Variants in IL3RA observed in about 807,000 individuals in gnomAD.
IL3RA encodes the protein interleukin 3 receptor subunit alpha.
Under a neutral mutation model 52.3 loss-of-function variants are expected in IL3RA, and 73 were observed. That is an observed-to-expected ratio of 1.40 (90% CI 1.16 to 1.70). The LOEUF is 1.70. Ranked by LOEUF, IL3RA falls within the 40% of genes most tolerant of loss-of-function variation. The probability of loss-of-function intolerance (pLI) is 0.00; values close to 1 mark genes in which losing one functional copy is unlikely to be tolerated. For synonymous variants in IL3RA, 260 were observed against 194.0 expected (o/e 1.34, Z -2.83); for missense variants, 664 against 504.4 (o/e 1.32, Z -3.03).
intron 10 of IL3RA, among the ~76,000 whole-genome samples, chrX:1,380,603 G>A (rs1367078407): frequency 4.4e-5 from 1 of 22,516 alleles, no homozygotes; most frequent in African/African-American, 3.3e-4. Context: ...GGGAGGAGGA[G>A]AGGGGAGGAT....
intron 3 of IL3RA, among the ~76,000 whole-genome samples, chrX:1,347,542 C>T (rs2085803960): frequency 6.7e-6 from 1 of 150,132 alleles, no homozygotes; most frequent in African/African-American, 2.5e-5. Context: ...TTGCTTGAAC[C>T]CGAGAGGTGG....
At chrX:1,355,060 C>T (rs182955334) in intron 6 of IL3RA, among the ~76,000 whole-genome samples, 15 of 6,434 alleles carry the variant, frequency 2.3e-3, no homozygotes, top group African/African-American at 0.014. Flanking sequence ...TGGAGGAAGG[C>T]GAGCAGGAGG....
At position 1,358,873 on chromosome X, in the gene IL3RA, G is replaced by A; in HGVS notation, c.745G>A (p.Val249Ile). The change falls in exon 8 of 12, where the codon GTA becomes ATA. Residue 249 changes from valine (V) to isoleucine (I), a missense_variant. By Grantham distance (29) the Val-to-Ile change is conservative (BLOSUM62 3). Transcript: ENST00000331035. ...ELQIQKRMQP[V>I]ITEQVRDRTS... ...TTTTGTGTTGCAGAGAATGCAGCCT[G>A]TAATCACAGAACAGGTGAGTGTTCC... The A allele has an allele frequency of 6.2e-7, 1 of 1,613,248 alleles. No homozygotes were observed.
intron 8 of IL3RA, among the ~76,000 whole-genome samples, chrX:1,360,032 T>A (rs1261454170): frequency 2.3e-4 from 7 of 30,004 alleles, no homozygotes; most frequent in Non-Finnish European, 5.1e-4. Context: ...CTTCTCCCCA[T>A]CTCTCTCTCT....
At chrX:1,367,864 C>CT (rs2088278250) in intron 9 of IL3RA, among the ~76,000 whole-genome samples, 2 of 151,560 alleles carry the variant, frequency 1.3e-5, no homozygotes, top group Admixed American at 6.6e-5. Context: ...CACTCCTCTC[C>CT]TGCAAAGGAG....
chrX:1,359,766 C>G (rs1752821462), intron 8 of IL3RA, among the ~76,000 whole-genome samples: 2 of 147,774 alleles, frequency 1.4e-5, no homozygotes, highest in Non-Finnish European at 3.0e-5. Context: ...CTGTCTCTCC[C>G]TCTCTCATTC....
chrX:1,345,168 C>G, intron 2 of IL3RA, 148 bp from the exon 3 acceptor site: 2 of 524,294 alleles, frequency 3.8e-6, no homozygotes, highest in Non-Finnish European at 6.8e-6. Flanking sequence ...AACTCCATGT[C>G]AAAAAATTTA....
intron 3 of IL3RA, among the ~76,000 whole-genome samples, chrX:1,347,602 G>A (rs186006618): frequency 4.3e-4 from 65 of 151,696 alleles, no homozygotes; most frequent in African/African-American, 1.5e-3. Flanking sequence ...CTGGGCAAGC[G>A]GAGTGAGGCC....
At chrX:1,367,323 C>G (rs867479812) in intron 9 of IL3RA, among the ~76,000 whole-genome samples, 9 of 4,174 alleles carry the variant, frequency 2.2e-3, no homozygotes, top group African/African-American at 5.1e-3. Context: ...CGGGGTGAGC[C>G]GGGTGCGCGG....
Position 1,379,725 on chromosome X carries a change from G to A in IL3RA, c.980+961G>A, listed in dbSNP as rs1472658804. Among the ~76,000 whole-genome samples the A allele has an allele frequency of 4.6e-5, 7 of 152,348 alleles. No homozygotes were observed. In the East Asian group the frequency reaches 5.8e-4, roughly 13 times the overall value. On this transcript the variant is annotated intron_variant, in intron 10 of 11. Coordinates refer to ENST00000331035, the MANE Select transcript of IL3RA (RefSeq NM_002183.4). Reference sequence around the variant, plus strand: ...CAGGATCCGTCATGCAGACCAACTCGAGGTTTTTGGTCACCAGCTGGGTCA... The same window carrying A: ...CAGGATCCGTCATGCAGACCAACTCAAGGTTTTTGGTCACCAGCTGGGTCA...
At chrX:1,350,681 C>T (rs2086043905) in intron 4 of IL3RA, among the ~76,000 whole-genome samples, 1 of 150,450 alleles carries the variant, frequency 6.6e-6, no homozygotes, top group African/African-American at 2.4e-5. Flanking sequence ...GTGGGTGGAT[C>T]GCGAGGTCAG....
intron 8 of IL3RA, among the ~76,000 whole-genome samples, chrX:1,363,302 CTTT>C (rs769178382): frequency 9.2e-5 from 12 of 130,580 alleles, no homozygotes; most frequent in Non-Finnish European, 1.3e-4. Context: ...GTCTTTTCTT[CTTT>C]TTTTTTTTTT....
intron 8 of IL3RA, among the ~76,000 whole-genome samples, chrX:1,364,789 C>CTTTTATTATTTT (rs1422483219): frequency 1.4e-5 from 2 of 143,348 alleles, no homozygotes; most frequent in Non-Finnish European, 1.5e-5. Flanking sequence ...CTCTTTTCTT[C>CTTTTATTATTTT]TTTTATTTAT....
Position 1,345,817 on chromosome X carries a change from C to T in IL3RA, c.183+383C>T, listed in dbSNP as rs1391577563. 3.3e-5 allele frequency among the ~76,000 whole-genome samples: 5 copies of T among 152,058 alleles called. 1 individual carries two copies. The highest frequency in any genetic ancestry group is 1.2e-4 in the African/African-American group (5 of 41,390). On this transcript the variant is annotated intron_variant, in intron 3 of 11. Coordinates refer to ENST00000331035, the MANE Select transcript of IL3RA (RefSeq NM_002183.4). ...GACTCTCTAATGTTGACGAACAAGA[C>T]GTTTCCGTCTTCTGCAGGAATCTCA... is the stretch of plus-strand genomic sequence containing the variant.
At chrX:1,364,018 T>TA (rs1209077832) in intron 8 of IL3RA, among the ~76,000 whole-genome samples, 149 of 140,432 alleles carry the variant, frequency 1.1e-3, no homozygotes, top group East Asian at 2.3e-3. Context: ...CTGTCTCTAC[T>TA]AAAAAAAAAA....
chrX:1,356,323 T>A lies in IL3RA; in HGVS notation c.719T>A (p.Leu240His). The change falls in exon 7 of 12, where the codon CTT (leucine) becomes CAT (histidine). Residue 240 changes from leucine (L) to histidine (H), a missense_variant. Transcript: ENST00000331035. ...TTCAATCGCAAATTTCGCTATGAGC[T>A]TCAGATACAAAAGGTAAACTTTCAC... ...SHFNRKFRYELQIQKRMQPVI... is the reference protein window; with the variant it reads ...SHFNRKFRYEHQIQKRMQPVI... 6.2e-7 allele frequency: 1 copy of A among 1,610,198 alleles called. No homozygotes were observed. The highest frequency in any genetic ancestry group is 8.5e-7 in the Non-Finnish European group (1 of 1,176,730).
chrX:1,348,672 TTCTTTC>T (rs1377623198), intron 4 of IL3RA, 127 bp downstream of exon 4: 6 of 464,954 alleles, frequency 1.3e-5, no homozygotes, highest in East Asian at 6.0e-5. Context: ...CTTTCTTTCT[TTCTTTC>T]TTTCTTTCTT....
chrX:1,364,456 A>G (rs1328130231), intron 8 of IL3RA, among the ~76,000 whole-genome samples: 9 of 152,226 alleles, frequency 5.9e-5, no homozygotes, highest in Admixed American at 3.3e-4. Flanking sequence ...GTGCCACTGC[A>G]CTCCAGCCTG....
chrX:1,355,348 T>G (rs1447945674), intron 6 of IL3RA, among the ~76,000 whole-genome samples: 19 of 79,468 alleles, frequency 2.4e-4, no homozygotes, highest in South Asian at 9.4e-4. Context: ...AGGAGGAGGG[T>G]GACAAGGAGA....
Sources: gnomAD v4.1 joint callset for allele counts (sites outside exome capture counted in the v4.1 genomes callset) on GRCh38, gnomAD v4.1.1 for gene constraint, MANE v1.5 for transcripts, NCBI Gene and HGNC (gene_info 2026-07-23, HGNC 2026-07-21) for gene names.